ZNF529: variants seen among roughly 807,000 people sequenced by gnomAD.
ZNF529 encodes zinc finger protein 529.
Under a neutral mutation model 10.1 loss-of-function variants are expected in ZNF529, and 11 were observed. The observed-to-expected ratio is 1.09, with a 90% CI of 0.69 to 1.81. The LOEUF is 1.81. Among genes scored for constraint, ZNF529 ranks in the 40% most tolerant of loss-of-function variants. The pLI is 0.00. For synonymous variants in ZNF529, 204 were observed against 215.7 expected (o/e 0.95, Z 0.47); for missense variants, 624 against 666.8 (o/e 0.94, Z 0.71).
chr19:36,568,669 A>G (rs2145838432), intron 2 of ZNF529, among the ~76,000 whole-genome samples: 1 of 152,126 alleles, frequency 6.6e-6, no homozygotes, highest in South Asian at 2.1e-4. Flanking sequence ...ACAGGGTTTC[A>G]CTATGTTGGC....
At chr19:36,551,998 T>G (rs1425834662) in intron 4 of ZNF529, 1 of 152,200 alleles carries the variant, frequency 6.6e-6, no homozygotes, top group Non-Finnish European at 1.5e-5. Flanking sequence ...ATTGAGAATA[T>G]GAATGAGCAT....
intron 2 of ZNF529, 21 bp downstream of exon 2, chr19:36,572,312 T>C: frequency 1.3e-6 from 2 of 1,526,720 alleles, no homozygotes; most frequent in Non-Finnish European, 1.8e-6. Flanking sequence ...ACCAGGTAAA[T>C]GAACAAAAAA....
At chr19:36,564,626 G>T (rs1320710322) in intron 2 of ZNF529, among the ~76,000 whole-genome samples, 1 of 152,186 alleles carries the variant, frequency 6.6e-6, no homozygotes, top group African/African-American at 2.4e-5. Flanking sequence ...GGAGAAAAGG[G>T]AATGCTTACA....
chr19:36,592,486 C>T (rs2036744996), intron 1 of ZNF529, among the ~76,000 whole-genome samples: 1 of 148,272 alleles, frequency 6.7e-6, no homozygotes, highest in Admixed American at 6.8e-5. Context: ...CACAGATACT[C>T]GGGAAGCTGA....
intron 2 of ZNF529, chr19:36,582,058 C>T (rs774993940): frequency 2.0e-5 from 3 of 152,052 alleles, no homozygotes; most frequent in Non-Finnish European, 4.4e-5. Context: ...TAGAGTAGTC[C>T]ACCTCATAAA....
intron 1 of ZNF529, among the ~76,000 whole-genome samples, chr19:36,591,485 C>T (rs557412776): frequency 5.9e-5 from 9 of 151,708 alleles, no homozygotes; most frequent in Admixed American, 3.9e-4. Context: ...TTTGGGAGGC[C>T]GAGGCGGGCG....
At chr19:36,562,833 GAAAA>G (rs35402563) in intron 2 of ZNF529, among the ~76,000 whole-genome samples, 1 of 118,440 alleles carries the variant, frequency 8.4e-6, no homozygotes, top group Non-Finnish European at 1.8e-5. Flanking sequence ...TCTGTCTCCA[GAAAA>G]AAAAAAAAAA....
chr19:36,554,930 G>A (rs1018322408), intron 3 of ZNF529, 134 bp from the exon 4 acceptor site: 18 of 695,676 alleles, frequency 2.6e-5, no homozygotes, highest in Admixed American at 8.0e-5. Flanking sequence ...GACATGGGAA[G>A]TAAGGAAATT....
intron 2 of ZNF529, among the ~76,000 whole-genome samples, chr19:36,557,674 C>G (rs79055411): frequency 1.3e-5 from 2 of 152,186 alleles, no homozygotes; most frequent in African/African-American, 4.8e-5. Flanking sequence ...AGTCACTAAG[C>G]AGGTAAATAA....
chr19:36,589,633 C>G (rs1265403200), exon 2 of ZNF529: 1 of 152,060 alleles, frequency 6.6e-6, no homozygotes, highest in Non-Finnish European at 1.5e-5. Flanking sequence ...GTTCTGCACT[C>G]CAAGCACTTC....
intron 2 of ZNF529, among the ~76,000 whole-genome samples, chr19:36,586,707 G>A (rs891872244): frequency 1.3e-5 from 2 of 152,094 alleles, no homozygotes; most frequent in African/African-American, 4.8e-5. Flanking sequence ...CTCCTGTTCA[G>A]TAGAGAGATA....
chr19:36,562,833 GAA>G (rs35402563), intron 2 of ZNF529, among the ~76,000 whole-genome samples: 22 of 118,412 alleles, frequency 1.9e-4, no homozygotes, highest in African/African-American at 2.4e-4. Flanking sequence ...TCTGTCTCCA[GAA>G]AAAAAAAAAA....
chr19:36,589,614 C>A lies in ZNF529; in HGVS notation c.-41+1G>T, dbSNP rs2036660803. On this transcript the variant is annotated splice_donor_variant, in intron 2 of 4. Coordinates refer to the ZNF529 transcript ENST00000585960. LOFTEE classifies it low-confidence loss of function (5UTR_SPLICE). ...ACACAGCCCTAAAAGTTAGTAAGTA[C>A]CTCTTTCAGTTCTGCACTCCAAGCA... 1 of 152,084 alleles carries A rather than the reference C, an allele frequency of 6.6e-6. No individual in the cohort carries two copies. The highest frequency in any genetic ancestry group is 2.4e-5 in the African/African-American group (1 of 41,420). 9.4% of individuals were successfully genotyped at this position (152,084 alleles called of 1,614,324 possible).
At chr19:36,600,057 C>A (rs2967455) in intron 1 of ZNF529, among the ~76,000 whole-genome samples, 2 of 151,438 alleles carry the variant, frequency 1.3e-5, no homozygotes, top group African/African-American at 4.9e-5. Flanking sequence ...TTAGTAGAGA[C>A]GGGGTTTCAC....
chr19:36,574,612 C>T (rs988115041), upstream of ZNF529, among the ~76,000 whole-genome samples: 10 of 152,130 alleles, frequency 6.6e-5, no homozygotes, highest in African/African-American at 2.4e-4. Flanking sequence ...CCTTTCCAGT[C>T]AGTTTCAAAG....
rs374595714 is a variant in ZNF529, at chr19:36,604,473, A to G, written c.-128+653T>C. On this transcript the variant is annotated intron_variant, in intron 1 of 4. Coordinates refer to the ZNF529 transcript ENST00000585960. The stretch of plus-strand genomic sequence containing the variant: ...TGACTGAGGCAGTGAAAGAAATCCC[A>G]GTATAACAAACTCCAAGAAACCACG... Among the ~76,000 whole-genome samples the G allele has an allele frequency of 1.1e-4, 16 of 152,326 alleles. No homozygotes were observed. The East Asian group carries it at 2.1e-3, about 20-fold the overall frequency.
At position 36,573,255 on chromosome 19, in the gene ZNF529, G is replaced by A. The variant is rs1600320616; in HGVS notation, c.-162C>T. ...GCGAGCTCCTCCCGCAGCCCGGCCC[G>A]GGTCACCTCGACTCGCCAGGCTTAA... On this transcript the variant is annotated 5_prime_UTR_variant, in exon 1 of 5. Transcript: ENST00000591340. The A allele has an allele frequency of 3.3e-6, 1 of 305,562 alleles. No individual in the cohort carries two copies. The highest frequency in any genetic ancestry group is 2.5e-5 in the South Asian group (1 of 40,050). 18.9% of individuals were successfully genotyped at this position (305,562 alleles called of 1,614,324 possible). A position where few individuals can be genotyped will look rare whatever the true frequency, so the allele number is the denominator to read the frequency against.
In ZNF529 at chr19:36,578,529, T is replaced by G. The variant is rs1165896926; in HGVS notation, c.-41+11086A>C. ...ACCGTGTTAGCCAGGATGGTCTCGA[T>G]CTCCTGACCTTGTGATCCCCCCGCC... On this transcript the variant is annotated intron_variant, in intron 2 of 4. Coordinates refer to the ZNF529 transcript ENST00000585960. Among the ~76,000 whole-genome samples the G allele has an allele frequency of 1.4e-4, 21 of 151,360 alleles. 1 individual carries two copies. The highest frequency in any genetic ancestry group is 1.4e-3 in the Admixed American group (21 of 15,164).
At chr19:36,560,645 T>C (rs1297506122) in intron 2 of ZNF529, among the ~76,000 whole-genome samples, 2 of 152,206 alleles carry the variant, frequency 1.3e-5, no homozygotes, top group Non-Finnish European at 2.9e-5. Flanking sequence ...TTGGTTGAGT[T>C]TGAAACATCT....
Sources: allele counts gnomAD v4.1 joint callset (sites outside exome capture counted in the v4.1 genomes callset), GRCh38; gene constraint gnomAD v4.1.1; transcripts MANE v1.5; gene names NCBI Gene and HGNC (gene_info 2026-07-23, HGNC 2026-07-21).